CEP85L: variants seen among roughly 807,000 people sequenced by gnomAD.
CEP85L encodes centrosomal protein of 85 kDa-like.
In CEP85L, 60 loss-of-function variants were observed where a neutral mutation model predicts 100.3. The ratio of observed to expected loss-of-function variants is 0.60; its 90% CI spans 0.49 to 0.74. The LOEUF (loss-of-function observed/expected upper bound fraction) is 0.74, where lower values mean the gene tolerates loss of function less well. CEP85L is among the 30% of genes least tolerant of loss of function. The pLI is 0.00. For synonymous variants in CEP85L, 319 were observed against 322.7 expected (o/e 0.99, Z 0.12); for missense variants, 973 against 936.2 (o/e 1.04, Z -0.51).
intron 3 of CEP85L, among the ~76,000 whole-genome samples, chr6:118,535,093 A>G (rs1777512410): frequency 6.6e-6 from 1 of 152,204 alleles, no homozygotes; most frequent in Non-Finnish European, 1.5e-5. Flanking sequence ...ATAGAACCAT[A>G]GGCAAATGTT....
upstream of CEP85L, among the ~76,000 whole-genome samples, chr6:118,655,738 AG>A (rs1207711000): frequency 2.0e-5 from 3 of 152,264 alleles, no homozygotes; most frequent in African/African-American, 7.2e-5. Flanking sequence ...TCAGTGGAAA[AG>A]GGGATTTTCA....
chr6:118,535,008 G>A (rs1007031430), intron 3 of CEP85L, among the ~76,000 whole-genome samples: 5 of 152,180 alleles, frequency 3.3e-5, no homozygotes, highest in South Asian at 2.1e-4. Context: ...CAGCCTGGGC[G>A]ACAGTACAGA....
chr6:118,691,577 T>C (rs1283209077), intron 1 of CEP85L, among the ~76,000 whole-genome samples: 1 of 127,486 alleles, frequency 7.8e-6, no homozygotes, highest in Non-Finnish European at 1.7e-5. Context: ...TACTAAAAAA[T>C]ACAAAAAATT....
intron 2 of CEP85L, among the ~76,000 whole-genome samples, chr6:118,571,694 C>G (rs7763904): frequency 0.71 from 107,795 of 152,012 alleles, 38,938 homozygotes; most frequent in African/African-American, 0.75. Flanking sequence ...AATAAATCAT[C>G]AGTCTTCACA....
chr6:118,601,085 T>C (rs928932116), intron 2 of CEP85L, among the ~76,000 whole-genome samples: 1 of 152,232 alleles, frequency 6.6e-6, no homozygotes, highest in South Asian at 2.1e-4. Context: ...GTTAAGAACA[T>C]ATACACTTTA....
chr6:118,709,554 T>TGTGTGTGTGTGTGTGTG (rs1777715533), intron 1 of CEP85L, among the ~76,000 whole-genome samples: 1 of 147,476 alleles, frequency 6.8e-6, no homozygotes, highest in East Asian at 1.9e-4. Flanking sequence ...TGTGTGTGTG[T>TGTGTGTGTGTGTGTGTG]GTGAGAGAGA....
chr6:118,682,396 T>C (rs1406557881), intron 1 of CEP85L, among the ~76,000 whole-genome samples: 1 of 152,114 alleles, frequency 6.6e-6, no homozygotes, highest in African/African-American at 2.4e-5. Context: ...GGCTTACTAA[T>C]TCATTGCTTT....
At chr6:118,703,400 T>C (rs1210452793) in intron 1 of CEP85L, among the ~76,000 whole-genome samples, 1 of 152,188 alleles carries the variant, frequency 6.6e-6, no homozygotes, top group African/African-American at 2.4e-5. Flanking sequence ...TAATTAGAAA[T>C]CAAACATTAT....
chr6:118,578,808 G>A (rs551966740), intron 2 of CEP85L, among the ~76,000 whole-genome samples: 3 of 152,334 alleles, frequency 2.0e-5, no homozygotes, highest in African/African-American at 7.2e-5. Context: ...GCACCCTTCT[G>A]TAGAAGTAAA....
intron 10 of CEP85L, among the ~76,000 whole-genome samples, chr6:118,471,816 T>A (rs1772980983): frequency 6.6e-6 from 1 of 151,142 alleles, no homozygotes; most frequent in African/African-American, 2.4e-5. Flanking sequence ...AATACGTGTA[T>A]TATTGAAAAC....
At chr6:118,658,122 G>A (rs942356506) in intron 1 of CEP85L, among the ~76,000 whole-genome samples, 15 of 152,278 alleles carry the variant, frequency 9.9e-5, no homozygotes, top group African/African-American at 3.6e-4. Flanking sequence ...TAAGATTTCA[G>A]TGGAGGTCTG....
At chr6:118,571,468 A>G (rs556279609) in intron 2 of CEP85L, among the ~76,000 whole-genome samples, 2 of 152,342 alleles carry the variant, frequency 1.3e-5, no homozygotes, top group South Asian at 4.1e-4. Flanking sequence ...AGTTGTATTT[A>G]AGACAGCATA....
chr6:118,494,989 A>C (rs2114628069), intron 5 of CEP85L, among the ~76,000 whole-genome samples: 2 of 152,278 alleles, frequency 1.3e-5, no homozygotes, highest in Admixed American at 1.3e-4. Flanking sequence ...AGAATAAAAA[A>C]GAAATGCTAA....
At chr6:118,492,843 A>G (rs1404064059) in intron 5 of CEP85L, among the ~76,000 whole-genome samples, 1 of 152,112 alleles carries the variant, frequency 6.6e-6, no homozygotes, top group East Asian at 1.9e-4. Flanking sequence ...TAGCTAAGGG[A>G]GGGTGTTACA....
At position 118,479,840 on chromosome 6, in the gene CEP85L, T is replaced by C. The variant is rs373991266; in HGVS notation, c.1914+31A>G. 1.6e-4 allele frequency: 201 copies of C among 1,220,042 alleles called. 1 individual carries two copies. Among genetic ancestry groups the C allele is most frequent in the Non-Finnish European group, 2.2e-4 (185 of 857,878 alleles). 75.6% of individuals were successfully genotyped at this position (1,220,042 alleles called of 1,614,324 possible). A position where few individuals can be genotyped will look rare whatever the true frequency, so the allele number is the denominator to read the frequency against. On this transcript the variant is annotated intron_variant, in intron 10 of 12. Transcript: ENST00000368491. Reference sequence around the variant, plus strand: ...CATTAAGAGTATATCAGAATATAGCTAAATTAAAATAAGCACAAAATATTC... The same window carrying C: ...CATTAAGAGTATATCAGAATATAGCCAAATTAAAATAAGCACAAAATATTC...
intron 1 of CEP85L, among the ~76,000 whole-genome samples, chr6:118,672,082 G>A (rs1176778750): frequency 2.6e-5 from 4 of 152,146 alleles, no homozygotes; most frequent in Non-Finnish European, 5.9e-5. Flanking sequence ...TGTTGCCCAG[G>A]TTGTAGTGCA....
rs552805012 is a variant in CEP85L at position 118,539,528 on chromosome 6, A to G, written c.1021-15608T>C. Among the ~76,000 whole-genome samples the G allele has an allele frequency of 9.2e-5, 14 of 152,370 alleles. No individual in the cohort carries two copies. In the East Asian group the frequency reaches 1.3e-3, roughly 15 times the overall value. ...GTTAAGGGACCAAAGCACTGCCTAC[A>G]TTATCTTGAAATGTAGCAATGAATT... On this transcript the variant is annotated intron_variant, in intron 3 of 12. Transcript: ENST00000368491.
intron 1 of CEP85L, among the ~76,000 whole-genome samples, chr6:118,685,288 C>T (rs578109549): frequency 7.9e-5 from 12 of 152,098 alleles, no homozygotes; most frequent in Non-Finnish European, 1.6e-4. Flanking sequence ...ATTTTAAGTA[C>T]CTTGTTTTAA....
upstream of CEP85L, among the ~76,000 whole-genome samples, chr6:118,654,434 C>T (rs1024206966): frequency 6.6e-6 from 1 of 151,982 alleles, no homozygotes; most frequent in African/African-American, 2.4e-5. Flanking sequence ...TGAAATAGTT[C>T]CTAAAGAACT....
Sources: allele counts gnomAD v4.1 joint callset (sites outside exome capture counted in the v4.1 genomes callset), GRCh38; gene constraint gnomAD v4.1.1; transcripts MANE v1.5; gene names NCBI Gene and HGNC (gene_info 2026-07-23, HGNC 2026-07-21).